Variants in KLF8 observed in about 807,000 individuals in gnomAD.
The protein encoded by KLF8 is KLF transcription factor 8.
A neutral mutation model predicts 18.2 loss-of-function variants in KLF8; 10 were observed. That is an observed-to-expected ratio of 0.55 (90% CI 0.34 to 0.93). The LOEUF is 0.93. Ranked by LOEUF, KLF8 falls within the 40% of genes least tolerant of loss-of-function variation. The pLI, the probability that KLF8 is intolerant of heterozygous loss-of-function variation, is 0.02. For missense variants in KLF8, 264 were observed against 277.9 expected (o/e 0.95, Z 0.36); for synonymous variants, 109 against 97.3 (o/e 1.12, Z -0.71).
At chrX:56,050,936 A>G in the KLF8 span, among the ~76,000 whole-genome samples, 1 of 109,094 alleles carries the variant, frequency 9.2e-6, no homozygotes, top group African/African-American at 3.3e-5. Context: ...GACTTGCTTT[A>G]TGAATCTTGG....
the KLF8 span, among the ~76,000 whole-genome samples, chrX:56,153,672 T>G: frequency 9.2e-4 from 102 of 111,311 alleles, no homozygotes; most frequent in Middle Eastern, 4.6e-3. Context: ...ATTGTATATC[T>G]AGAAAACCCC....
the KLF8 span, among the ~76,000 whole-genome samples, chrX:56,018,148 A>T: frequency 1.8e-5 from 2 of 111,278 alleles, no homozygotes; most frequent in Non-Finnish European, 1.9e-5. Context: ...ATCTAACTGT[A>T]TCTTTGTACC....
At chrX:56,107,130 C>T in the KLF8 span, among the ~76,000 whole-genome samples, 15 of 111,616 alleles carry the variant, frequency 1.3e-4, no homozygotes, top group South Asian at 1.1e-3. Flanking sequence ...AGGTGTCTTT[C>T]GGCTCCTACT....
chrX:56,119,409 A>T, the KLF8 span, among the ~76,000 whole-genome samples: 1 of 110,424 alleles, frequency 9.1e-6, no homozygotes, highest in African/African-American at 3.3e-5. Flanking sequence ...GGTTCCGCTT[A>T]TTATTATTTT....
chrX:56,136,284 C>T, the KLF8 span, among the ~76,000 whole-genome samples: 126 of 111,364 alleles, frequency 1.1e-3, 1 homozygote, highest in South Asian at 0.045. Flanking sequence ...CAAAAAAGAG[C>T]CCGCATCGCC....
the KLF8 span, among the ~76,000 whole-genome samples, chrX:56,154,867 C>T: frequency 8.9e-6 from 1 of 112,232 alleles, no homozygotes; most frequent in Non-Finnish European, 1.9e-5. Flanking sequence ...CTCATCATCA[C>T]TGGCCATCAG....
chrX:56,068,616 G>T, the KLF8 span, among the ~76,000 whole-genome samples: 1 of 111,562 alleles, frequency 9.0e-6, no homozygotes, highest in Non-Finnish European at 1.9e-5. Context: ...TGCCCCAACA[G>T]CTTCGTTTCT....
At chrX:56,014,496 C>T in the KLF8 span, among the ~76,000 whole-genome samples, 7 of 111,978 alleles carry the variant, frequency 6.3e-5, no homozygotes, top group East Asian at 2.8e-4. Flanking sequence ...GGCAAGACTG[C>T]GGAGAAGAAG....
At chrX:55,924,411 A>AT in the KLF8 span, among the ~76,000 whole-genome samples, 2 of 109,014 alleles carry the variant, frequency 1.8e-5, no homozygotes, top group Non-Finnish European at 3.8e-5. Context: ...TGCGTGTTTC[A>AT]TTTTTTTTCT....
the KLF8 span, among the ~76,000 whole-genome samples, chrX:55,917,134 T>G: frequency 8.9e-6 from 1 of 112,346 alleles, no homozygotes; most frequent in Admixed American, 9.5e-5. Context: ...ATAAATAGAA[T>G]AGAATTGTTC....
At chrX:55,988,567 G>C in the KLF8 span, among the ~76,000 whole-genome samples, 1 of 111,301 alleles carries the variant, frequency 9.0e-6, no homozygotes, top group East Asian at 2.8e-4. Flanking sequence ...CTATATCTCT[G>C]TTTTGGTACC....
chrX:56,097,180 A>C, the KLF8 span, among the ~76,000 whole-genome samples: 1 of 111,319 alleles, frequency 9.0e-6, no homozygotes, highest in Admixed American at 9.6e-5. Flanking sequence ...AATTCATCAC[A>C]TCTGCAAGCT....
chrX:56,044,671 G>T, the KLF8 span, among the ~76,000 whole-genome samples: 2 of 112,501 alleles, frequency 1.8e-5, no homozygotes, highest in African/African-American at 3.2e-5. Context: ...GGATACAATG[G>T]CTTAGTCAAC....
the KLF8 span, among the ~76,000 whole-genome samples, chrX:56,168,696 G>A: frequency 7.9e-5 from 8 of 100,731 alleles, no homozygotes; most frequent in East Asian, 2.5e-3. Flanking sequence ...CCTGTCTTGT[G>A]TCCAAGTGTT....
At chrX:55,991,559 T>A in the KLF8 span, among the ~76,000 whole-genome samples, 1 of 111,476 alleles carries the variant, frequency 9.0e-6, no homozygotes, top group South Asian at 3.8e-4. Context: ...GGTACCTCAG[T>A]TGGAAATGCA....
chrX:56,098,602 G>T, the KLF8 span, among the ~76,000 whole-genome samples: 93 of 111,487 alleles, frequency 8.3e-4, no homozygotes, highest in African/African-American at 3.0e-3. Context: ...AATAAAGGCT[G>T]TATATGAAAA....
the KLF8 span, among the ~76,000 whole-genome samples, chrX:55,979,539 A>T: frequency 6.2e-5 from 7 of 112,024 alleles, no homozygotes; most frequent in African/African-American, 2.3e-4. Context: ...TTTGATTGGT[A>T]CCTTGTACTA....
At chrX:56,269,072 T>C (rs951100683) in intron 3 of KLF8, 31 of 898,885 alleles carry the variant, frequency 3.4e-5, no homozygotes, top group Non-Finnish European at 4.3e-5. Flanking sequence ...TAGCTGGAGA[T>C]AGAAAGATGA....
chrX:56,171,607 G>A, the KLF8 span, among the ~76,000 whole-genome samples: 1 of 111,266 alleles, frequency 9.0e-6, no homozygotes, highest in Non-Finnish European at 1.9e-5. Context: ...CCACCTATGA[G>A]TGAGAACATG....
Sources: gnomAD v4.1 joint callset for allele counts (sites outside exome capture counted in the v4.1 genomes callset) on GRCh38, gnomAD v4.1.1 for gene constraint, MANE v1.5 for transcripts, NCBI Gene and HGNC (gene_info 2026-07-23, HGNC 2026-07-21) for gene names.